The following MAP4 variants were observed in gnomAD, a reference collection of about 807,000 sequenced individuals.
MAP4 encodes microtubule-associated protein 4.
A neutral mutation model predicts 170.2 loss-of-function variants in MAP4; 76 were observed. That is an observed-to-expected ratio of 0.45 (90% CI 0.37 to 0.54). The LOEUF is 0.54. Among genes scored for constraint, MAP4 ranks in the 20% least tolerant of loss-of-function variants. The probability of loss-of-function intolerance (pLI) is 0.00; values close to 1 mark genes in which losing one functional copy is unlikely to be tolerated. For missense variants in MAP4, 2,506 were observed against 2,748.0 expected (o/e 0.91, Z 1.97); for synonymous variants, 909 against 994.5 (o/e 0.91, Z 1.62).
intron 1 of MAP4, among the ~76,000 whole-genome samples, chr3:48,051,891 T>C (rs995856898): frequency 1.3e-5 from 2 of 152,248 alleles, no homozygotes; most frequent in Non-Finnish European, 2.9e-5. Context: ...CTACTGCCAA[T>C]GTGAGGGCTA....
chr3:47,865,807 G>A (rs1164736941), intron 17 of MAP4, among the ~76,000 whole-genome samples: 1 of 152,158 alleles, frequency 6.6e-6, no homozygotes, highest in Non-Finnish European at 1.5e-5. Context: ...TGGTGCCTCT[G>A]GCACAACTCC....
intron 1 of MAP4, among the ~76,000 whole-genome samples, chr3:48,050,974 G>A (rs1436921098): frequency 5.3e-5 from 8 of 151,572 alleles, no homozygotes; most frequent in Admixed American, 6.6e-5. Context: ...CATATATCGC[G>A]GTACAAAAAT....
Position 47,909,178 on chromosome 3 carries a change from T to G in MAP4, c.5243A>C (p.Glu1748Ala). 6.2e-7 allele frequency: 1 copy of G among 1,613,954 alleles called. No homozygotes were observed. Among genetic ancestry groups the G allele is most frequent in the Non-Finnish European group, 8.5e-7 (1 of 1,179,876 alleles). The change falls in exon 9 of 21, where the codon GAA becomes GCA. Residue 1748 changes from glutamate (E) to alanine (A), a missense_variant. By Grantham distance (107) the Glu-to-Ala change is moderately radical. This residue lies in a region of MAP4 where 2,008 missense variants were observed against 2,206.0 expected (regional missense o/e 0.91). Transcript: ENST00000683076. ...TCTGCTTTTATCTTCCTTTTTCCCT[T>G]CTCCTGGTGTCTTTGATTCAGATTT... is the stretch of plus-strand genomic sequence containing the variant. ...TEKSESKTPGEGKKEDKSRMA... is the reference protein window; with the variant it reads ...TEKSESKTPGAGKKEDKSRMA...
chr3:47,861,087 G>A (rs759377777), intron 17 of MAP4, among the ~76,000 whole-genome samples: 7 of 152,024 alleles, frequency 4.6e-5, no homozygotes, highest in African/African-American at 9.7e-5. Context: ...TAGGCTGGGC[G>A]CAGTGGCTCA....
intron 5 of MAP4, among the ~76,000 whole-genome samples, chr3:47,921,509 T>A (rs868776263): frequency 6.6e-6 from 1 of 152,076 alleles, no homozygotes; most frequent in Admixed American, 6.6e-5. Context: ...TTTTCCTTCA[T>A]CTTCTCACCT....
Position 47,875,822 on chromosome 3 carries a change from C to T in MAP4, c.5620G>A (p.Ala1874Thr). Residue 1874 changes from alanine to threonine, a missense_variant, in exon 12 of 21, where the codon GCT becomes ACT. This residue lies in a region of MAP4 where 11 missense variants were observed against 30.4 expected (regional missense o/e 0.36). Transcript: ENST00000683076. ...TTCAACCCACCAATGGTGGTGGGAGCTGGCTGCTTAGGGAGAGAAGTGGGC... is the reference window on the plus strand; with the variant it reads ...TTCAACCCACCAATGGTGGTGGGAGTTGGCTGCTTAGGGAGAGAAGTGGGC... ...TQPTSLPKQP[A>T]PTTIGGLNKK... is the part of the protein sequence containing the mutation. 6.2e-7 allele frequency: 1 copy of T among 1,613,850 alleles called. No homozygotes were observed. Among genetic ancestry groups the T allele is most frequent in the East Asian group, 2.2e-5 (1 of 44,872 alleles).
chr3:47,892,016 C>T (rs1283489856), intron 10 of MAP4: 2 of 1,536,294 alleles, frequency 1.3e-6, no homozygotes, highest in Non-Finnish European at 1.7e-6. Context: ...ATCTGACTGG[C>T]TCTTGGTCTC....
intron 3 of MAP4, among the ~76,000 whole-genome samples, chr3:47,961,905 G>A (rs1196483940): frequency 6.6e-6 from 1 of 152,184 alleles, no homozygotes; most frequent in Non-Finnish European, 1.5e-5. Context: ...TGAGGTAGAA[G>A]ACCAGCAGGA....
In MAP4 at chr3:48,073,252, TACACACACACACACACACACAC is replaced by T. The variant is rs35163339; in HGVS notation, c.-20+15499_-20+15520del. ...AAAACAATATGGAAATCCAAAGGAATACACACACACACACACACACACACACACACACACACACACACACACA... is the reference window on the plus strand; with the variant it reads ...AAAACAATATGGAAATCCAAAGGAATACACACACACACACACACACACACA... On this transcript the variant is annotated intron_variant, in intron 1 of 18. Coordinates refer to the MAP4 transcript ENST00000360240. Among the ~76,000 whole-genome samples, 339 of 134,582 alleles carry T rather than the reference TACACACACACACACACACACAC, an allele frequency of 2.5e-3. 4 individuals carry two copies. In the Middle Eastern group the frequency reaches 0.031, roughly 12 times the overall value. 88.3% of individuals were successfully genotyped at this position (134,582 alleles called of 152,430 possible).
rs947600336 is a variant in MAP4, at chr3:48,055,211, C to T, written c.-20+33562G>A. On this transcript the variant is annotated intron_variant, in intron 1 of 18. Transcript: ENST00000360240. ...CCCTCTCCCTCTCCGTCTCCGTCTC[C>T]GTCTCCGTCTCCGTCTCCGTCTCCG... 7.8e-5 allele frequency among the ~76,000 whole-genome samples: 11 copies of T among 141,444 alleles called. No individual in the cohort carries two copies. The South Asian group carries it at 1.5e-3, about 19-fold the overall frequency. 92.8% of individuals were successfully genotyped at this position (141,444 alleles called of 152,430 possible).
chr3:47,921,937 ATTTC>A (rs956154305), intron 4 of MAP4, 59 bp from the exon 5 acceptor site: 163 of 800,046 alleles, frequency 2.0e-4, no homozygotes, highest in South Asian at 6.7e-4. Context: ...AAAGATTAAT[ATTTC>A]TTTCTTTCTT....
chr3:47,988,876 G>A (rs926283553), intron 2 of MAP4, among the ~76,000 whole-genome samples: 1 of 152,000 alleles, frequency 6.6e-6, no homozygotes, highest in African/African-American at 2.4e-5. Context: ...GCAGTGGCAC[G>A]ATCTTGGCTC....
At chr3:47,869,452 T>C in intron 15 of MAP4, 125 bp from the exon 16 acceptor site, 1 of 667,022 alleles carries the variant, frequency 1.5e-6, no homozygotes, top group Admixed American at 2.5e-5. Context: ...CAGGTGGCCT[T>C]TGATCCTAGG....
intron 17 of MAP4, among the ~76,000 whole-genome samples, chr3:47,864,777 G>C (rs543528444): frequency 6.6e-6 from 1 of 152,332 alleles, no homozygotes; most frequent in East Asian, 1.9e-4. Flanking sequence ...TGACGAAGGA[G>C]AATCGCTTGA....
At chr3:47,974,672 G>A in intron 3 of MAP4, 1 of 954,034 alleles carries the variant, frequency 1.0e-6, no homozygotes, top group Non-Finnish European at 1.2e-6. Context: ...AATCTCAACT[G>A]GTTCTAGATT....
chr3:47,998,936 T>A, intron 1 of MAP4, 57 bp from the exon 2 acceptor site: 1 of 944,424 alleles, frequency 1.1e-6, no homozygotes, highest in Admixed American at 2.0e-5. Context: ...GAAAAACATT[T>A]CTAGAAACTC....
At chr3:48,018,014 T>C (rs1199521790), upstream of MAP4, among the ~76,000 whole-genome samples, 5 of 152,234 alleles carry the variant, frequency 3.3e-5, no homozygotes, top group Non-Finnish European at 7.3e-5. Context: ...CCATCGCATG[T>C]GCAGTTCACA....
At chr3:47,999,825 C>T (rs2100098166) in intron 1 of MAP4, among the ~76,000 whole-genome samples, 1 of 133,940 alleles carries the variant, frequency 7.5e-6, no homozygotes, top group Non-Finnish European at 1.6e-5. Flanking sequence ...CACATATACC[C>T]TTGAACCTAA....
intron 3 of MAP4, chr3:47,974,100 T>G: frequency 1.0e-6 from 1 of 985,272 alleles, no homozygotes; most frequent in Non-Finnish European, 1.2e-6. Context: ...TCTTACCATC[T>G]CAAAAGTAGT....
Sources: gnomAD v4.1 joint callset for allele counts (sites outside exome capture counted in the v4.1 genomes callset) on GRCh38, gnomAD v4.1.1 for gene constraint, gnomAD v4.1.1 regional missense constraint, MANE v1.5 for transcripts, NCBI Gene and HGNC (gene_info 2026-07-23, HGNC 2026-07-21) for gene names.